DCC: variants seen among roughly 807,000 people sequenced by gnomAD.
The protein encoded by DCC is DCC netrin 1 receptor.
DCC carries 58 observed loss-of-function variants against 172.5 expected under a neutral mutation model. The ratio of observed to expected loss-of-function variants is 0.34; its 90% CI spans 0.27 to 0.42. The LOEUF (loss-of-function observed/expected upper bound fraction) is 0.42, where lower values mean the gene tolerates loss of function less well. DCC is among the 10% of genes least tolerant of loss of function. The pLI, the probability that DCC is intolerant of heterozygous loss-of-function variation, is 1.00. For missense variants in DCC, 1,740 were observed against 1,791.0 expected (o/e 0.97, Z 0.51); for synonymous variants, 709 against 644.5 (o/e 1.10, Z -1.52).
chr18:52,747,871 A>G (rs2036930946), intron 1 of DCC, among the ~76,000 whole-genome samples: 1 of 152,240 alleles, frequency 6.6e-6, no homozygotes, highest in Non-Finnish European at 1.5e-5. Context: ...GTGCAATACA[A>G]GGAAGTTAAA....
intron 7 of DCC, among the ~76,000 whole-genome samples, chr18:53,121,609 T>C (rs945795913): frequency 6.6e-6 from 1 of 151,984 alleles, no homozygotes; most frequent in African/African-American, 2.4e-5. Context: ...AAATCTATTT[T>C]TAATATTTGT....
intron 15 of DCC, among the ~76,000 whole-genome samples, chr18:53,340,372 C>T (rs1440875185): frequency 1.3e-5 from 2 of 151,982 alleles, no homozygotes; most frequent in Non-Finnish European, 2.9e-5. Context: ...CCTTCTTTAC[C>T]GTTAACATTC....
chr18:53,017,763 G>A (rs2041829261), intron 5 of DCC, among the ~76,000 whole-genome samples: 2 of 152,122 alleles, frequency 1.3e-5, no homozygotes, highest in Non-Finnish European at 1.5e-5. Context: ...TCCATTGCTA[G>A]CAGCAGTAAC....
intron 1 of DCC, among the ~76,000 whole-genome samples, chr18:52,596,101 C>T (rs542039351): frequency 6.6e-6 from 1 of 152,310 alleles, no homozygotes; most frequent in Admixed American, 6.5e-5. Flanking sequence ...TTACTCAGCA[C>T]TTACAATCTT....
intron 1 of DCC, among the ~76,000 whole-genome samples, chr18:52,679,591 C>A (rs1024429803): frequency 1.1e-4 from 17 of 152,212 alleles, no homozygotes; most frequent in African/African-American, 4.1e-4. Flanking sequence ...ATGCAGAACC[C>A]TCCGCAGGAG....
At chr18:53,032,228 G>T (rs975907483) in intron 5 of DCC, among the ~76,000 whole-genome samples, 1 of 152,124 alleles carries the variant, frequency 6.6e-6, no homozygotes. Flanking sequence ...GTGAGAAAGA[G>T]AATTGATTCT....
intron 2 of DCC, among the ~76,000 whole-genome samples, chr18:52,855,457 C>T (rs1040729968): frequency 1.8e-4 from 28 of 152,092 alleles, no homozygotes; most frequent in African/African-American, 6.5e-4. Flanking sequence ...TAACATAATG[C>T]CGTATTTTGT....
intron 12 of DCC, among the ~76,000 whole-genome samples, chr18:53,293,828 A>G (rs1216081698): frequency 1.3e-5 from 2 of 152,140 alleles, no homozygotes; most frequent in East Asian, 3.8e-4. Flanking sequence ...TAAATAACTC[A>G]AGAAGTAGTT....
intron 5 of DCC, among the ~76,000 whole-genome samples, chr18:53,015,090 A>T (rs2041790099): frequency 6.6e-6 from 1 of 152,210 alleles, no homozygotes; most frequent in African/African-American, 2.4e-5. Flanking sequence ...AAGGAATGTC[A>T]ACAATTATGC....
intron 18 of DCC, among the ~76,000 whole-genome samples, chr18:53,399,294 C>T (rs1042983380): frequency 5.3e-5 from 8 of 151,998 alleles, no homozygotes; most frequent in East Asian, 1.9e-4. Context: ...TATGTAGATT[C>T]AGTGTCACAA....
intron 15 of DCC, among the ~76,000 whole-genome samples, chr18:53,373,852 A>G (rs1282673634): frequency 6.6e-6 from 1 of 150,392 alleles, no homozygotes; most frequent in African/African-American, 2.4e-5. Flanking sequence ...TGAATGAGAT[A>G]AGGCAAATGC....
At chr18:53,277,017 C>G (rs551373986) in intron 12 of DCC, among the ~76,000 whole-genome samples, 89 of 151,912 alleles carry the variant, frequency 5.9e-4, no homozygotes, top group Middle Eastern at 6.8e-3. Context: ...AAAGAAGAGG[C>G]AATGAAGAAA....
At chr18:53,186,626 A>T (rs1428073447) in intron 9 of DCC, among the ~76,000 whole-genome samples, 1 of 152,230 alleles carries the variant, frequency 6.6e-6, no homozygotes, top group Non-Finnish European at 1.5e-5. Context: ...TATGCAGTTC[A>T]TAAGTATTTA....
At chr18:52,943,420 A>T (rs565426921) in intron 5 of DCC, among the ~76,000 whole-genome samples, 13 of 152,308 alleles carry the variant, frequency 8.5e-5, no homozygotes, top group African/African-American at 2.9e-4. Context: ...GTTCAGTGAC[A>T]GAAGTAGAAG....
At chr18:52,418,141 G>C (rs1419409307) in intron 1 of DCC, among the ~76,000 whole-genome samples, 2 of 152,110 alleles carry the variant, frequency 1.3e-5, no homozygotes, top group East Asian at 3.9e-4. Flanking sequence ...ACTTACTGGA[G>C]CTATTTTTTA....
At chr18:53,061,257 A>G (rs538914007) in intron 5 of DCC, among the ~76,000 whole-genome samples, 7 of 152,148 alleles carry the variant, frequency 4.6e-5, no homozygotes, top group South Asian at 2.1e-4. Flanking sequence ...CTCTTCTTCA[A>G]TATAAATTTG....
intron 7 of DCC, among the ~76,000 whole-genome samples, chr18:53,127,204 G>T (rs546121686): frequency 6.9e-6 from 1 of 144,618 alleles, no homozygotes; most frequent in African/African-American, 2.6e-5. Context: ...TGGGGGTCTC[G>T]TTATGTTGCC....
At chr18:53,046,663 A>G (rs1211193471) in intron 5 of DCC, among the ~76,000 whole-genome samples, 1 of 151,990 alleles carries the variant, frequency 6.6e-6, no homozygotes, top group Non-Finnish European at 1.5e-5. Context: ...ACTTGAAGGA[A>G]TTCCACATAA....
chr18:52,686,609 C>T (rs984756458), intron 1 of DCC, among the ~76,000 whole-genome samples: 1 of 152,106 alleles, frequency 6.6e-6, no homozygotes, highest in Non-Finnish European at 1.5e-5. Flanking sequence ...TTCAGAACCC[C>T]ATTAGATCCA....
Sources: allele counts gnomAD v4.1 joint callset (sites outside exome capture counted in the v4.1 genomes callset), GRCh38; gene constraint gnomAD v4.1.1; transcripts MANE v1.5; gene names NCBI Gene and HGNC (gene_info 2026-07-23, HGNC 2026-07-21).